Variants in ZC3H7A observed in about 807,000 individuals in gnomAD.
ZC3H7A encodes zinc finger CCCH-type containing 7A.
In ZC3H7A, 44 loss-of-function variants were observed where a neutral mutation model predicts 125.5. That is an observed-to-expected ratio of 0.35 (90% CI 0.28 to 0.45). The LOEUF (loss-of-function observed/expected upper bound fraction) is 0.45, where lower values mean the gene tolerates loss of function less well. ZC3H7A is among the 20% of genes least tolerant of loss of function. ZC3H7A has a pLI of 1.00. For synonymous variants in ZC3H7A, 399 were observed against 391.2 expected (o/e 1.02, Z -0.23); for missense variants, 977 against 1,170.7 (o/e 0.83, Z 2.41).
In ZC3H7A at chr16:11,765,285, G is replaced by C. The variant is rs2052835561; in HGVS notation, c.1720-132C>G. 6 of 694,404 alleles carry C rather than the reference G, an allele frequency of 8.6e-6. No homozygotes were observed. Among genetic ancestry groups the C allele is most frequent in the Non-Finnish European group, 1.3e-5 (6 of 454,674 alleles). 43.0% of individuals were successfully genotyped at this position (694,404 alleles called of 1,614,324 possible). A position where few individuals can be genotyped will look rare whatever the true frequency, so the allele number is the denominator to read the frequency against. ...AGTTTTAATATTCTTTTTGGTAACA[G>C]TAATAGCCAACATTTACTGAATGAA... is the stretch of plus-strand genomic sequence containing the variant. On this transcript the variant is annotated intron_variant, in intron 14 of 22. Coordinates refer to ENST00000355758, the MANE Select transcript of ZC3H7A (RefSeq NM_014153.4). The surrounding 1 kb of genome is among the most constrained non-coding windows in gnomAD (Gnocchi z 4.8).
chr16:11,756,998 T>C (rs7186485), intron 20 of ZC3H7A, among the ~76,000 whole-genome samples: 99,153 of 151,608 alleles, frequency 0.65, 34,433 homozygotes, highest in African/African-American at 0.88. Context: ...GTGCTAAAGC[T>C]GAGGTTTCTC....
chr16:11,760,012 G>A (rs187831894), intron 19 of ZC3H7A, among the ~76,000 whole-genome samples: 1 of 151,684 alleles, frequency 6.6e-6, no homozygotes, highest in Non-Finnish European at 1.5e-5. Context: ...CCAGCTACTC[G>A]GGAGGCTGAG....
At chr16:11,789,131 C>T (rs1439319072) in intron 1 of ZC3H7A, among the ~76,000 whole-genome samples, 1 of 152,148 alleles carries the variant, frequency 6.6e-6, no homozygotes, top group East Asian at 1.9e-4. Flanking sequence ...CAGTGTGCTA[C>T]AGTTATATGT....
intron 18 of ZC3H7A, 48 bp from the exon 19 acceptor site, chr16:11,761,559 A>G: frequency 4.4e-6 from 7 of 1,596,296 alleles, no homozygotes; most frequent in Non-Finnish European, 6.0e-6. Flanking sequence ...CGAGCAAAAG[A>G]CATAACACAA....
At chr16:11,759,579 T>C (rs1028411048) in intron 19 of ZC3H7A, 1 of 152,198 alleles carries the variant, frequency 6.6e-6, no homozygotes, top group Admixed American at 6.5e-5. Context: ...ACATTTACCA[T>C]AGTCTTTCAA....
chr16:11,763,439 T>C, intron 16 of ZC3H7A, 39 bp downstream of exon 16: 1 of 1,556,628 alleles, frequency 6.4e-7, no homozygotes, highest in South Asian at 1.2e-5. Context: ...CCCTGTCTGC[T>C]CTTGAGGAGA....
Position 11,756,229 on chromosome 16 carries a change from G to A in ZC3H7A, c.2562+8C>T, listed in dbSNP as rs1320313490. 51 of 1,611,444 alleles carry A rather than the reference G, an allele frequency of 3.2e-5. No individual in the cohort carries two copies. The East Asian group carries it at 1.1e-3, about 35-fold the overall frequency. ...GCAAAGAGAGGGTAAATGACGCACG[G>A]TACTCACTGTAACTTCAGCATAATC... On this transcript the variant is annotated splice_region_variant and intron_variant, in intron 21 of 22. Coordinates refer to ENST00000355758, the MANE Select transcript of ZC3H7A (RefSeq NM_014153.4).
chr16:11,782,346 A>T lies in ZC3H7A; in HGVS notation c.9T>A (p.Asn3Lys). 6.2e-7 allele frequency: 1 copy of T among 1,614,106 alleles called. No homozygotes were observed. Among genetic ancestry groups the T allele is most frequent in the Non-Finnish European group, 8.5e-7 (1 of 1,180,010 alleles). The change falls in exon 2 of 23, where the codon AAT becomes AAA. Residue 3 changes from asparagine to lysine, a missense_variant. Asn to Lys is a moderately conservative substitution (Grantham distance 94). This residue lies in a region of ZC3H7A where 199 missense variants were observed against 256.1 expected (regional missense o/e 0.78). Transcript: ENST00000355758. MS[N>K]VSEERRKRQQ... ...GCCTTTTTCTTCTCTCCTCGGACAC[A>T]TTGGACATGTTATCCCACACATCCA...
Position 11,768,397 on chromosome 16 carries a change from T to C in ZC3H7A, c.1278A>G (p.Pro426=), listed in dbSNP as rs141316415. Residue 426 remains proline (P), a synonymous_variant, in exon 12 of 23, where the codon CCA becomes CCG. Transcript: ENST00000355758. ...GATGTCTTGGAGTCACTGATGAAGATGGTTTGGTAACTGCACTTCCAAAAA... is the reference window on the plus strand; with the variant it reads ...GATGTCTTGGAGTCACTGATGAAGACGGTTTGGTAACTGCACTTCCAAAAA... ...GNFFGSAVTK[P]SSSVTPRHPL... The C allele has an allele frequency of 1.1e-4, 168 of 1,599,588 alleles. 2 individuals are homozygous for C. The Admixed American group carries it at 2.7e-3, about 26-fold the overall frequency.
In ZC3H7A at chr16:11,761,951, T is replaced by G; in HGVS notation, c.2172A>C (p.Pro724=). The change falls in exon 18 of 23, where the codon CCA becomes CCC. Residue 724 remains proline (P), a synonymous_variant. Transcript: ENST00000355758. ...QCLRNGQVIE[P]DKNRKYCSAK... ...CACTACAATATTTTCTGTTTTTGTC[T>G]GGTTCAATGACTTGACCGTTTCTCA... 1.2e-6 allele frequency: 2 copies of G among 1,613,614 alleles called. No homozygotes were observed. Among genetic ancestry groups the G allele is most frequent in the Non-Finnish European group, 1.7e-6 (2 of 1,179,928 alleles).
rs569797192 is a variant in ZC3H7A at position 11,776,895 on chromosome 16, T to C, written c.321A>G (p.Lys107=). ...ACYSNMGFHD[K]VLEDCNIVLS... is the part of the protein sequence containing the mutation. ...GGACTATATTGCAGTCCTCCAAAAC[T>C]TTATCATGGAAACCCTGGTGTGTAA... The change falls in exon 5 of 23, where the codon AAA becomes AAG. Residue 107 remains lysine, a synonymous_variant. Transcript: ENST00000355758. 12 of 1,597,830 alleles carry C rather than the reference T, an allele frequency of 7.5e-6. No homozygotes were observed. The Admixed American group carries it at 2.2e-4, about 29-fold the overall frequency.
In ZC3H7A at chr16:11,751,459, T is replaced by C. The variant is rs750510059; in HGVS notation, c.2774A>G (p.His925Arg). The C allele has an allele frequency of 6.2e-7, 1 of 1,614,218 alleles. No individual in the cohort carries two copies. The highest frequency in any genetic ancestry group is 8.5e-7 in the Non-Finnish European group (1 of 1,180,030). ...CCATTCATGAAGTTCGGCATTTCCA[T>C]GTGCAAATTTACAGCTGTTTCCTTC... Reference protein sequence around the residue: ...CPEGNSCKFAHGNAELHEWEE... With the variant: ...CPEGNSCKFARGNAELHEWEE... Residue 925 changes from histidine to arginine, a missense_variant, in exon 23 of 23, where the codon CAT (histidine) becomes CGT (arginine). Physicochemically the swap from His to Arg is conservative, Grantham distance 29 (BLOSUM62 0). Coordinates refer to ENST00000355758, the MANE Select transcript of ZC3H7A (RefSeq NM_014153.4).
rs1282350898 is a variant in ZC3H7A, at chr16:11,762,712, G to T, written c.2038C>A (p.Arg680=). Reference sequence around the variant, plus strand: ...TTTGCTTCCAAATTCTGCCAATATCGTTTAGACTCTTGAGCAATAGCATCA... The same window carrying T: ...TTTGCTTCCAAATTCTGCCAATATCTTTTAGACTCTTGAGCAATAGCATCA... ...SHDAIAQESK[R]YWQNLEANVP... Residue 680 remains arginine, a synonymous_variant, in exon 17 of 23, where the codon CGA becomes AGA. Coordinates refer to ENST00000355758, the MANE Select transcript of ZC3H7A (RefSeq NM_014153.4). 2 of 1,613,856 alleles carry T rather than the reference G, an allele frequency of 1.2e-6. No individual in the cohort carries two copies. The highest frequency in any genetic ancestry group is 1.1e-5 in the South Asian group (1 of 91,082).
rs142190904 is a variant in ZC3H7A at position 11,763,617 on chromosome 16, G to C, written c.1863C>G (p.Ser621=). 255 of 1,604,608 alleles carry C rather than the reference G, an allele frequency of 1.6e-4. No individual in the cohort carries two copies. The African/African-American group carries it at 3.1e-3, about 19-fold the overall frequency. Residue 621 remains serine, a synonymous_variant, in exon 16 of 23, where the codon TCC becomes TCG. Transcript: ENST00000355758. ...ACTGACCATGAAAAGAACGTATTTT[G>C]GAGTATTTTACTGTTGTCTCTCGCA... ...HILRETTVKY[S]KIRSFHGQCQ...
intron 1 of ZC3H7A, among the ~76,000 whole-genome samples, chr16:11,786,596 G>A (rs1194996803): frequency 5.9e-5 from 9 of 152,096 alleles, no homozygotes; most frequent in Non-Finnish European, 8.8e-5. Context: ...GAAAGGAAAC[G>A]GAAAATGGAT....
intron 19 of ZC3H7A, among the ~76,000 whole-genome samples, chr16:11,760,122 G>GAAAAAAAAAAAAAAGAAA (rs2052723049): frequency 1.2e-5 from 1 of 82,532 alleles, no homozygotes; most frequent in Non-Finnish European, 2.1e-5. Flanking sequence ...AAGAAAAAAT[G>GAAAAAAAAAAAAAAGAAA]AAAAAAAAAA....
At chr16:11,786,798 C>G (rs80035253) in intron 1 of ZC3H7A, among the ~76,000 whole-genome samples, 10,235 of 152,198 alleles carry the variant, frequency 0.067, 509 homozygotes, top group South Asian at 0.22. Flanking sequence ...ATACTGTATG[C>G]CCAAACCCAC....
At chr16:11,755,297 G>C (rs1424052303) in intron 21 of ZC3H7A, among the ~76,000 whole-genome samples, 1 of 151,970 alleles carries the variant, frequency 6.6e-6, no homozygotes, top group Non-Finnish European at 1.5e-5. Context: ...CCCCTGGGGA[G>C]GGGAACATAT....
At chr16:11,781,312 A>T in intron 3 of ZC3H7A, 113 bp downstream of exon 3, 1 of 885,202 alleles carries the variant, frequency 1.1e-6, no homozygotes, top group Non-Finnish European at 1.7e-6. Flanking sequence ...ATAAAATAAA[A>T]GGACAGCAGG....
Sources: gnomAD v4.1 joint callset for allele counts (sites outside exome capture counted in the v4.1 genomes callset) on GRCh38, gnomAD v4.1.1 for gene constraint, gnomAD v4.1.1 regional missense constraint, Gnocchi (gnomAD v3.1) non-coding constraint, MANE v1.5 for transcripts, NCBI Gene and HGNC (gene_info 2026-07-23, HGNC 2026-07-21) for gene names.